The following MYO10 variants were observed in gnomAD, a reference collection of about 807,000 sequenced individuals.
The protein encoded by MYO10 is unconventional myosin-X.
MYO10 carries 133 observed loss-of-function variants against 257.3 expected under a neutral mutation model. The ratio of observed to expected loss-of-function variants is 0.52; its 90% CI spans 0.45 to 0.60. MYO10 has a LOEUF of 0.60. Among genes scored for constraint, MYO10 ranks in the 20% least tolerant of loss-of-function variants. MYO10 has a pLI of 0.00. For missense variants in MYO10, 2,399 were observed against 2,635.7 expected (o/e 0.91, Z 1.97); for synonymous variants, 1,104 against 1,028.6 (o/e 1.07, Z -1.40).
At position 16,777,839 on chromosome 5, in the gene MYO10, C is replaced by CCTTTTTTT. The variant is rs1560979466; in HGVS notation, c.930+1705_930+1706insAAAAAAAG. ...GCCACCCTAGGTGCATTGCATCTAACTTTTTTTTTTTTTTTTTTTTTTTTT... is the reference window on the plus strand; with the variant it reads ...GCCACCCTAGGTGCATTGCATCTAACCTTTTTTTTTTTTTTTTTTTTTTTTTTTTTTTT... On this transcript the variant is annotated intron_variant, in intron 9 of 40. Coordinates refer to ENST00000513610, the MANE Select transcript of MYO10 (RefSeq NM_012334.3). Among the ~76,000 whole-genome samples the CCTTTTTTT allele has an allele frequency of 1.2e-4, 11 of 88,480 alleles. 2 individuals are homozygous for CCTTTTTTT. Among genetic ancestry groups the CCTTTTTTT allele is most frequent in the African/African-American group, 3.8e-4 (7 of 18,638 alleles). The allele number at this position is 88,480 out of a possible 152,430, so 58.0% of individuals were successfully genotyped here.
chr5:16,815,747 T>C (rs973821547), intron 3 of MYO10, among the ~76,000 whole-genome samples: 2 of 152,200 alleles, frequency 1.3e-5, no homozygotes, highest in African/African-American at 4.8e-5. Context: ...TGGTATTCTA[T>C]GGGAAAGAGG....
intron 2 of MYO10, among the ~76,000 whole-genome samples, chr5:16,864,202 T>C (rs923003802): frequency 1.3e-5 from 2 of 151,874 alleles, no homozygotes; most frequent in African/African-American, 4.8e-5. Flanking sequence ...GTAACTTCCT[T>C]ATGAAAATGC....
intron 4 of MYO10, among the ~76,000 whole-genome samples, chr5:16,790,551 T>C (rs1741721408): frequency 6.6e-6 from 1 of 152,184 alleles, no homozygotes. Flanking sequence ...TGAGATCTAA[T>C]GGTTTTATCA....
In MYO10 at chr5:16,668,326, G is replaced by C; in HGVS notation, c.6026C>G (p.Thr2009Arg). The change falls in exon 40 of 41, where the codon ACG (threonine) becomes AGG (arginine). Residue 2009 changes from threonine to arginine, a missense_variant. Around this residue, in one of 3 missense-constraint regions of MYO10, gnomAD observed 1,820 missense variants for 1,939.4 expected, o/e 0.94. Coordinates refer to ENST00000513610, the MANE Select transcript of MYO10 (RefSeq NM_012334.3). ...CCTCTCATCGACCACGATCTTATAC[G>C]TATTCGCCAGGGGTGCCCCAAAAGA... ...ILSFGAPLAN[T>R]YKIVVDEREL... 1 of 1,613,930 alleles carries C rather than the reference G, an allele frequency of 6.2e-7. No homozygotes were observed. The highest frequency in any genetic ancestry group is 1.1e-5 in the South Asian group (1 of 91,080).
In MYO10 at chr5:16,794,319, T is replaced by C. The variant is rs1431366295; in HGVS notation, c.467+327A>G. On this transcript the variant is annotated intron_variant, in intron 4 of 40. Coordinates refer to ENST00000513610, the MANE Select transcript of MYO10 (RefSeq NM_012334.3). ...ACTATGCAAGATTTCCTTAAACAGA[T>C]AGAAGGACCATGCCTCATCATTGAA... 2.1e-5 allele frequency among the ~76,000 whole-genome samples: 3 copies of C among 142,818 alleles called. No individual in the cohort carries two copies. The South Asian group carries it at 6.5e-4, about 31-fold the overall frequency. 93.7% of individuals were successfully genotyped at this position (142,818 alleles called of 152,430 possible). A position where few individuals can be genotyped will look rare whatever the true frequency, so the allele number is the denominator to read the frequency against.
rs980853288 is a variant in MYO10, at chr5:16,701,539, C to A, written c.2856G>T (p.Glu952Asp). ...LESLNFDEIDECVRNIERSLS... is the reference protein window; with the variant it reads ...LESLNFDEIDDCVRNIERSLS... ...GGGACCGCTCGATATTCCGGACACA[C>A]TCGTCGATCTCGTCGAAATTGAGGG... The change falls in exon 25 of 41, where the codon GAG becomes GAT. Residue 952 changes from glutamate (E) to aspartate (D), a missense_variant. Physicochemically the swap from Glu to Asp is conservative, Grantham distance 45. This residue lies in a region of MYO10 where 1,820 missense variants were observed against 1,939.4 expected (regional missense o/e 0.94). Coordinates refer to ENST00000513610, the MANE Select transcript of MYO10 (RefSeq NM_012334.3). This position sits in a 1 kb window ranked among gnomAD's most constrained non-coding sequence, Gnocchi z 8.1. The A allele has an allele frequency of 3.1e-6, 5 of 1,613,840 alleles. No homozygotes were observed. Among genetic ancestry groups the A allele is most frequent in the South Asian group, 1.1e-5 (1 of 91,074 alleles).
chr5:16,840,532 A>T (rs253336), intron 2 of MYO10, among the ~76,000 whole-genome samples: 16 of 151,944 alleles, frequency 1.1e-4, no homozygotes, highest in African/African-American at 3.9e-4. Flanking sequence ...TTTCCATTCT[A>T]AGAAGCCCTT....
chr5:16,924,830 C>CT (rs35010705), intron 1 of MYO10, among the ~76,000 whole-genome samples: 30,829 of 124,250 alleles, frequency 0.25, 4,807 homozygotes, highest in Admixed American at 0.37. Flanking sequence ...CACTTTATCA[C>CT]TTTTTTTTTT....
intron 2 of MYO10, among the ~76,000 whole-genome samples, chr5:16,866,014 AACACAC>A (rs34718010): frequency 0.04 from 5,522 of 136,480 alleles, 116 homozygotes; most frequent in Middle Eastern, 0.068. Flanking sequence ...TATTTACCCA[AACACAC>A]ACACACACAC....
At position 16,747,906 on chromosome 5, in the gene MYO10, G is replaced by T. The variant is rs1209248446; in HGVS notation, c.1929+6922C>A. ...TGCACTCTAGACTGGGCGACAGAGC[G>T]AAACTCCGTCTCAAAAAAAAAAAAA... On this transcript the variant is annotated intron_variant, in intron 19 of 40. Coordinates refer to ENST00000513610, the MANE Select transcript of MYO10 (RefSeq NM_012334.3). Among the ~76,000 whole-genome samples the T allele has an allele frequency of 8.1e-5, 6 of 74,032 alleles. No individual in the cohort carries two copies. In the East Asian group the frequency reaches 1.9e-3, roughly 24 times the overall value. The allele number at this position is 74,032 out of a possible 152,430, so 48.6% of individuals were successfully genotyped here.
chr5:16,752,995 T>C (rs1008410687), intron 19 of MYO10, among the ~76,000 whole-genome samples: 1 of 152,192 alleles, frequency 6.6e-6, no homozygotes, highest in African/African-American at 2.4e-5. Context: ...GCACAGATCT[T>C]CAACAGAAAA....
At chr5:16,895,371 A>G (rs770886521) in intron 1 of MYO10, among the ~76,000 whole-genome samples, 14 of 152,136 alleles carry the variant, frequency 9.2e-5, no homozygotes, top group Non-Finnish European at 1.6e-4. Flanking sequence ...CTGTCCATCA[A>G]ATACAGCCAT....
At position 16,754,952 on chromosome 5, in the gene MYO10, T is replaced by A. The variant is rs539513496; in HGVS notation, c.1849-44A>T. 3 of 1,306,770 alleles carry A rather than the reference T, an allele frequency of 2.3e-6. No homozygotes were observed. In the Admixed American group the frequency reaches 6.2e-5, roughly 27 times the overall value. 80.9% of individuals were successfully genotyped at this position (1,306,770 alleles called of 1,614,324 possible). On this transcript the variant is annotated intron_variant, in intron 18 of 40. Coordinates refer to ENST00000513610, the MANE Select transcript of MYO10 (RefSeq NM_012334.3). ...GTTGATTTAGTCTCTTATTATGTCA[T>A]TCTTTAAATTTCTCAGTACTCTAGG...
At chr5:16,782,651 G>A (rs1299619132) in intron 5 of MYO10, among the ~76,000 whole-genome samples, 1 of 152,140 alleles carries the variant, frequency 6.6e-6, no homozygotes, top group Admixed American at 6.5e-5. Flanking sequence ...ATATGGGCAC[G>A]AGGCTGTGGT....
chr5:16,690,507 G>A (rs1030760319), intron 27 of MYO10, among the ~76,000 whole-genome samples: 5 of 152,150 alleles, frequency 3.3e-5, no homozygotes, highest in Non-Finnish European at 7.3e-5. Context: ...GACTTCTCTA[G>A]GGGAGAGGCT....
At chr5:16,891,246 G>C (rs1745039808) in intron 1 of MYO10, among the ~76,000 whole-genome samples, 1 of 151,552 alleles carries the variant, frequency 6.6e-6, no homozygotes. Flanking sequence ...AGGAAGTCAA[G>C]ATTGTGCCAT....
intron 37 of MYO10, among the ~76,000 whole-genome samples, chr5:16,672,081 G>C (rs1388133835): frequency 6.6e-6 from 1 of 152,122 alleles, no homozygotes; most frequent in Non-Finnish European, 1.5e-5. Context: ...GATCACCTGA[G>C]GTCAGGAGTT....
At position 16,926,685 on chromosome 5, in the gene MYO10, G is replaced by A. The variant is rs149371844; in HGVS notation, c.21+9103C>T. 5.2e-3 allele frequency among the ~76,000 whole-genome samples: 762 copies of A among 145,458 alleles called. 8 individuals are homozygous for A. The highest frequency in any genetic ancestry group is 0.019 in the African/African-American group (716 of 38,604). ...CCACTACACTCCAGCCTGGGCGAAA[G>A]AGGAAGACTCTGTCCCAGCAAAAAA... On this transcript the variant is annotated intron_variant, in intron 1 of 40. Transcript: ENST00000513610.
At chr5:16,743,663 T>G (rs1272687459) in intron 19 of MYO10, among the ~76,000 whole-genome samples, 2 of 151,934 alleles carry the variant, frequency 1.3e-5, no homozygotes, top group African/African-American at 4.8e-5. Flanking sequence ...AGAAACTTCA[T>G]TCTCAATGCT....
Sources: gnomAD v4.1 joint callset for allele counts (sites outside exome capture counted in the v4.1 genomes callset) on GRCh38, gnomAD v4.1.1 for gene constraint, gnomAD v4.1.1 regional missense constraint, Gnocchi (gnomAD v3.1) non-coding constraint, MANE v1.5 for transcripts, NCBI Gene and HGNC (gene_info 2026-07-23, HGNC 2026-07-21) for gene names.